The following FUT9 variants were observed in gnomAD, a reference collection of about 807,000 sequenced individuals.
FUT9 encodes the protein 4-galactosyl-N-acetylglucosaminide 3-alpha-L-fucosyltransferase 9.
A neutral mutation model predicts 29.7 loss-of-function variants in FUT9; 15 were observed. The ratio of observed to expected loss-of-function variants is 0.51; its 90% CI spans 0.34 to 0.78. FUT9 has a LOEUF of 0.78. FUT9 is among the 30% of genes least tolerant of loss of function. The pLI is 0.01. For synonymous variants in FUT9, 169 were observed against 153.7 expected (o/e 1.10, Z -0.74); for missense variants, 319 against 425.4 (o/e 0.75, Z 2.20).
At chr6:96,117,721 C>T (rs543565979) in intron 2 of FUT9, among the ~76,000 whole-genome samples, 6 of 152,266 alleles carry the variant, frequency 3.9e-5, no homozygotes, top group African/African-American at 1.4e-4. Context: ...ACTTGTACCA[C>T]ATCAAGAAGT....
chr6:96,076,972 C>A (rs1168335740), intron 1 of FUT9, among the ~76,000 whole-genome samples: 1 of 152,100 alleles, frequency 6.6e-6, no homozygotes, highest in Non-Finnish European at 1.5e-5. Context: ...AAATTTTTAT[C>A]AGAGCAATAT....
At chr6:96,200,029 G>T (rs1175858349) in intron 2 of FUT9, among the ~76,000 whole-genome samples, 2 of 152,140 alleles carry the variant, frequency 1.3e-5, no homozygotes, top group Non-Finnish European at 2.9e-5. Context: ...AAAGCCAGGT[G>T]GCCTGGGCTT....
chr6:96,097,728 TA>T (rs1236298371), intron 1 of FUT9, among the ~76,000 whole-genome samples: 5 of 152,156 alleles, frequency 3.3e-5, no homozygotes, highest in African/African-American at 1.2e-4. Flanking sequence ...TATGGGATAA[TA>T]AAAAATACGG....
At chr6:96,092,004 C>CAA (rs1771419235) in intron 1 of FUT9, among the ~76,000 whole-genome samples, 1 of 151,810 alleles carries the variant, frequency 6.6e-6, no homozygotes, top group Admixed American at 6.6e-5. Context: ...AACATAGATA[C>CAA]AAAAATGATA....
chr6:96,045,748 G>T (rs1770551677), intron 1 of FUT9, among the ~76,000 whole-genome samples: 1 of 152,180 alleles, frequency 6.6e-6, no homozygotes. Context: ...GCCAAGCTTT[G>T]TGGCCTGGTC....
intron 1 of FUT9, among the ~76,000 whole-genome samples, chr6:96,112,875 T>A (rs1178688638): frequency 1.3e-5 from 2 of 152,228 alleles, no homozygotes; most frequent in Non-Finnish European, 2.9e-5. Context: ...TTCCATAGTT[T>A]AAAGATATTT....
intron 2 of FUT9, among the ~76,000 whole-genome samples, chr6:96,167,403 C>G (rs1773033793): frequency 6.6e-6 from 1 of 152,186 alleles, no homozygotes; most frequent in Non-Finnish European, 1.5e-5. Context: ...TCTCCCTCCA[C>G]TTGCAGCATC....
chr6:96,041,996 T>C (rs990636622), intron 1 of FUT9, among the ~76,000 whole-genome samples: 1 of 152,224 alleles, frequency 6.6e-6, no homozygotes, highest in African/African-American at 2.4e-5. Context: ...TATCATCAAA[T>C]TGTACCAATG....
intron 1 of FUT9, among the ~76,000 whole-genome samples, chr6:96,032,276 C>G (rs1770275448): frequency 1.3e-5 from 2 of 151,610 alleles, no homozygotes; most frequent in African/African-American, 4.8e-5. Context: ...CTAGGAAGCT[C>G]AGTGTCAACT....
intron 1 of FUT9, among the ~76,000 whole-genome samples, chr6:96,108,395 C>T (rs1771732973): frequency 6.6e-6 from 1 of 152,154 alleles, no homozygotes; most frequent in Non-Finnish European, 1.5e-5. Context: ...CTTAACCTCT[C>T]TGTGCATCAC....
intron 2 of FUT9, among the ~76,000 whole-genome samples, chr6:96,189,974 A>G (rs200129716): frequency 6.6e-6 from 1 of 152,136 alleles, no homozygotes; most frequent in Non-Finnish European, 1.5e-5. Flanking sequence ...TATTTTGCTC[A>G]TTAGTTGATG....
intron 2 of FUT9, among the ~76,000 whole-genome samples, chr6:96,169,712 T>C (rs936044974): frequency 6.6e-6 from 1 of 152,168 alleles, no homozygotes; most frequent in Non-Finnish European, 1.5e-5. Flanking sequence ...GTTTCTCTCT[T>C]ATTCAAATCT....
intron 2 of FUT9, among the ~76,000 whole-genome samples, chr6:96,200,981 T>C (rs929700060): frequency 1.3e-5 from 2 of 152,076 alleles, no homozygotes; most frequent in African/African-American, 4.8e-5. Context: ...AAATGACTTT[T>C]TTTTTTTAAA....
intron 2 of FUT9, among the ~76,000 whole-genome samples, chr6:96,189,440 G>A (rs1562158211): frequency 6.6e-6 from 1 of 152,034 alleles, no homozygotes; most frequent in African/African-American, 2.4e-5. Flanking sequence ...GTGATCTGTG[G>A]TTTGAAACAT....
At chr6:96,180,260 G>A (rs1161252002) in intron 2 of FUT9, among the ~76,000 whole-genome samples, 3 of 152,032 alleles carry the variant, frequency 2.0e-5, no homozygotes, top group Non-Finnish European at 4.4e-5. Context: ...CATTTTACAT[G>A]CACAAATCTA....
At chr6:96,148,997 A>G (rs1271760241) in intron 2 of FUT9, among the ~76,000 whole-genome samples, 1 of 152,004 alleles carries the variant, frequency 6.6e-6, no homozygotes, top group Non-Finnish European at 1.5e-5. Flanking sequence ...TCTAACTAAA[A>G]ATACAAAAAT....
intron 2 of FUT9, among the ~76,000 whole-genome samples, chr6:96,194,171 G>T (rs554813613): frequency 3.9e-5 from 6 of 152,274 alleles, no homozygotes; most frequent in African/African-American, 1.2e-4. Context: ...CCTGCATGTT[G>T]TGCACATGTA....
chr6:96,096,194 G>A (rs1771491319), intron 1 of FUT9, among the ~76,000 whole-genome samples: 1 of 152,060 alleles, frequency 6.6e-6, no homozygotes, highest in Non-Finnish European at 1.5e-5. Context: ...AGTTGCAGAT[G>A]CAAAAAGACT....
At chr6:96,074,327 C>A (rs890600236) in intron 1 of FUT9, among the ~76,000 whole-genome samples, 17 of 152,048 alleles carry the variant, frequency 1.1e-4, no homozygotes, top group African/African-American at 4.1e-4. Flanking sequence ...AGAATAGGGT[C>A]TTGCAATGAC....
Sources: allele counts gnomAD v4.1 joint callset (sites outside exome capture counted in the v4.1 genomes callset), GRCh38; gene constraint gnomAD v4.1.1; transcripts MANE v1.5; gene names NCBI Gene and HGNC (gene_info 2026-07-23, HGNC 2026-07-21).